The following FNBP1 variants were observed in gnomAD, a reference collection of about 807,000 sequenced individuals.
FNBP1 encodes the protein formin binding protein 1.
FNBP1 carries 26 observed loss-of-function variants against 90.6 expected under a neutral mutation model. The ratio of observed to expected loss-of-function variants is 0.29; its 90% confidence interval spans 0.21 to 0.40. The LOEUF is 0.40. Among genes scored for constraint, FNBP1 ranks in the 10% least tolerant of loss-of-function variants. The pLI is 1.00. For missense variants in FNBP1, 635 were observed against 768.0 expected (o/e 0.83, Z 2.05); for synonymous variants, 260 against 265.2 (o/e 0.98, Z 0.19).
intron 2 of FNBP1, among the ~76,000 whole-genome samples, chr9:129,985,555 C>T (rs1480017239): frequency 6.6e-6 from 1 of 152,076 alleles, no homozygotes; most frequent in Non-Finnish European, 1.5e-5. Context: ...GGGGTGGTGG[C>T]CTGTAATCTC....
rs542672262 is a variant in FNBP1 at position 129,897,608 on chromosome 9, A to T, written c.1688-1612T>A. Among the ~76,000 whole-genome samples, 47 of 151,980 alleles carry T rather than the reference A, an allele frequency of 3.1e-4. No individual in the cohort carries two copies. The South Asian group carries it at 3.9e-3, about 13-fold the overall frequency. ...CGTAATTTTATTTATTTATTTATTT[A>T]TTTTTTAGAGAGGGTTTCACACTAT... On this transcript the variant is annotated intron_variant, in intron 15 of 16. Transcript: ENST00000446176.
chr9:129,899,723 TG>T (rs1307774751), intron 15 of FNBP1, among the ~76,000 whole-genome samples: 1 of 133,720 alleles, frequency 7.5e-6, no homozygotes, highest in Admixed American at 8.5e-5. Flanking sequence ...AGCGAGACCC[TG>T]TATGAAAAAA....
intron 11 of FNBP1, among the ~76,000 whole-genome samples, chr9:129,911,917 C>T (rs527320963): frequency 7.6e-4 from 99 of 130,560 alleles, no homozygotes; most frequent in African/African-American, 2.9e-3. Context: ...GGGCGACGGG[C>T]GAGATTCTGT....
intron 16 of FNBP1, among the ~76,000 whole-genome samples, chr9:129,895,067 A>AAAACAC (rs1338276812): frequency 1.3e-5 from 2 of 152,130 alleles, no homozygotes; most frequent in African/African-American, 4.8e-5. Context: ...AACAACAACA[A>AAAACAC]AAACACAAAC....
intron 11 of FNBP1, among the ~76,000 whole-genome samples, chr9:129,914,500 C>G (rs1443273682): frequency 6.6e-6 from 1 of 151,748 alleles, no homozygotes; most frequent in African/African-American, 2.4e-5. Context: ...TAAGGAAACC[C>G]TGGCAGCTGA....
rs188127225 is a variant in FNBP1 at position 129,983,548 on chromosome 9, C to T, written c.141-4174G>A. On this transcript the variant is annotated intron_variant, in intron 2 of 16. Coordinates refer to ENST00000446176, the MANE Select transcript of FNBP1 (RefSeq NM_015033.3). ...AAAATGAACACGGTTCGTTCAGGCG[C>T]GGTGGCTCATGCCTGTAATCCCAGC... is the stretch of plus-strand genomic sequence containing the variant. Among the ~76,000 whole-genome samples the T allele has an allele frequency of 2.6e-5, 4 of 152,248 alleles. No homozygotes were observed. The East Asian group carries it at 7.7e-4, about 29-fold the overall frequency.
At chr9:129,914,755 G>GTGTATGTA (rs71499203) in intron 11 of FNBP1, among the ~76,000 whole-genome samples, 1 of 98,434 alleles carries the variant, frequency 1.0e-5, no homozygotes, top group Non-Finnish European at 2.1e-5. Flanking sequence ...ACATACATAT[G>GTGTATGTA]TCTATATATA....
chr9:129,904,260 A>G (rs2037544148), intron 12 of FNBP1, among the ~76,000 whole-genome samples: 2 of 152,210 alleles, frequency 1.3e-5, no homozygotes, highest in Non-Finnish European at 2.9e-5. Flanking sequence ...ACAGAGCCTT[A>G]AAGCTACACA....
intron 11 of FNBP1, among the ~76,000 whole-genome samples, chr9:129,914,755 G>GTGTGTGTATATA (rs71499203): frequency 5.7e-4 from 56 of 98,422 alleles, no homozygotes; most frequent in Non-Finnish European, 9.2e-4. Context: ...ACATACATAT[G>GTGTGTGTATATA]TCTATATATA....
intron 1 of FNBP1, among the ~76,000 whole-genome samples, chr9:130,032,779 T>G (rs1236143312): frequency 6.6e-6 from 1 of 151,890 alleles, no homozygotes; most frequent in African/African-American, 2.4e-5. Flanking sequence ...CCAAAGAAAA[T>G]TAATTCCCCC....
chr9:129,899,492 C>A (rs1314214606), intron 15 of FNBP1, among the ~76,000 whole-genome samples: 1 of 152,074 alleles, frequency 6.6e-6, no homozygotes, highest in African/African-American at 2.4e-5. Context: ...AGGAGTACTG[C>A]TTGAATCCAG....
At position 129,956,646 on chromosome 9, in the gene FNBP1, C is replaced by T. The variant is rs143255191; in HGVS notation, c.513+714G>A. On this transcript the variant is annotated intron_variant, in intron 6 of 16. Transcript: ENST00000446176. ...CAACCAGGAGGAATCAATTAGAAGTCAGGCAAGCAGTGAGACTATTGCTCT... is the reference window on the plus strand; with the variant it reads ...CAACCAGGAGGAATCAATTAGAAGTTAGGCAAGCAGTGAGACTATTGCTCT... Among the ~76,000 whole-genome samples, 110 of 152,278 alleles carry T rather than the reference C, an allele frequency of 7.2e-4. No individual in the cohort carries two copies. The East Asian group carries it at 0.021, about 29-fold the overall frequency.
At chr9:130,001,915 C>T (rs1313927716) in intron 1 of FNBP1, among the ~76,000 whole-genome samples, 2 of 151,888 alleles carry the variant, frequency 1.3e-5, no homozygotes, top group African/African-American at 4.8e-5. Context: ...GTAATCCCAG[C>T]TACTCAGGAG....
At position 130,015,361 on chromosome 9, in the gene FNBP1, T is replaced by G. The variant is rs1025811289; in HGVS notation, c.25-20403A>C. ...CATTCCCATGAGGAAAACCAATAGG[T>G]CTCTGTATATGAACATTTTAAAGTG... On this transcript the variant is annotated intron_variant, in intron 1 of 16. Transcript: ENST00000446176. Among the ~76,000 whole-genome samples the G allele has an allele frequency of 4.6e-5, 7 of 152,178 alleles. No individual in the cohort carries two copies. In the South Asian group the frequency reaches 1.0e-3, roughly 23 times the overall value.
chr9:129,935,874 C>T (rs1031650117), intron 6 of FNBP1, among the ~76,000 whole-genome samples: 4 of 152,034 alleles, frequency 2.6e-5, no homozygotes, highest in Non-Finnish European at 4.4e-5. Flanking sequence ...ATACATTGAT[C>T]GAATGAATAA....
chr9:129,994,465 T>C (rs569834564), intron 2 of FNBP1, among the ~76,000 whole-genome samples: 1 of 152,258 alleles, frequency 6.6e-6, no homozygotes, highest in Non-Finnish European at 1.5e-5. Context: ...TTCTGTTTCT[T>C]GACCTGGGTG....
chr9:129,936,692 G>C (rs1340104304), intron 6 of FNBP1, among the ~76,000 whole-genome samples: 2 of 152,090 alleles, frequency 1.3e-5, no homozygotes, highest in Non-Finnish European at 2.9e-5. Flanking sequence ...AGAGGATCAT[G>C]ACTTTCAGAC....
intron 1 of FNBP1, among the ~76,000 whole-genome samples, chr9:130,021,342 T>C (rs1267559101): frequency 6.6e-6 from 1 of 152,180 alleles, no homozygotes; most frequent in Non-Finnish European, 1.5e-5. Flanking sequence ...AAGAACCAAA[T>C]AGTTATTTTC....
chr9:129,933,898 TG>T (rs1354595781), intron 6 of FNBP1, among the ~76,000 whole-genome samples: 3 of 152,206 alleles, frequency 2.0e-5, no homozygotes, highest in African/African-American at 7.2e-5. Context: ...TCTGAAACTC[TG>T]GCCTAGGAAT....
Sources: allele counts gnomAD v4.1 joint callset (sites outside exome capture counted in the v4.1 genomes callset), GRCh38; gene constraint gnomAD v4.1.1; transcripts MANE v1.5; gene names NCBI Gene and HGNC (gene_info 2026-07-23, HGNC 2026-07-21).